Variants in NFIC observed in about 807,000 individuals in gnomAD.
NFIC encodes nuclear factor I C.
NFIC carries 12 observed loss-of-function variants against 54.4 expected under a neutral mutation model. The observed-to-expected ratio is 0.22, with a 90% confidence interval of 0.14 to 0.36. The LOEUF is 0.36. Among genes scored for constraint, NFIC ranks in the 10% least tolerant of loss-of-function variants. The pLI is 1.00. For missense variants in NFIC, 575 were observed against 718.2 expected (o/e 0.80, Z 2.28); for synonymous variants, 322 against 319.2 (o/e 1.01, Z -0.09).
chr19:3,380,309 C>CTTTTTT lies in NFIC; in HGVS notation c.31-1383_31-1378dup, dbSNP rs529220524. ...GTGAGCCACCGTGCCCAGCCTTGTTCTTTTTTTTTTTTTTTTTTTTTTTTT... is the reference window on the plus strand; with the variant it reads ...GTGAGCCACCGTGCCCAGCCTTGTTCTTTTTTTTTTTTTTTTTTTTTTTTTTTTTTT... On this transcript the variant is annotated intron_variant, in intron 1 of 10. Coordinates refer to ENST00000443272, the MANE Select transcript of NFIC (RefSeq NM_001245002.2). Among the ~76,000 whole-genome samples, 163 of 65,138 alleles carry CTTTTTT rather than the reference C, an allele frequency of 2.5e-3. 3 individuals are homozygous for CTTTTTT. The highest frequency in any genetic ancestry group is 3.1e-3 in the Non-Finnish European group (119 of 38,502). 42.7% of individuals were successfully genotyped at this position (65,138 alleles called of 152,430 possible).
chr19:3,441,891 C>G (rs1005035278), intron 6 of NFIC, among the ~76,000 whole-genome samples: 4 of 152,228 alleles, frequency 2.6e-5, no homozygotes, highest in Admixed American at 1.3e-4. Context: ...ATCCTCCCCC[C>G]ACCCTTCCCT....
intron 1 of NFIC, among the ~76,000 whole-genome samples, chr19:3,373,629 A>C: frequency 1.3e-5 from 1 of 77,228 alleles, no homozygotes; most frequent in African/African-American, 5.5e-5. Flanking sequence ...CCCCCCCCCA[A>C]GCTAAAAAAC....
At position 3,465,717 on chromosome 19, in the gene NFIC, G is replaced by A. The variant is rs1366592782; in HGVS notation, c.*2948G>A. The stretch of plus-strand genomic sequence containing the variant: ...CTGATTGGTCCCTAGGCCACGGGCC[G>A]GCCCCCAGACACCATTCACCGACCC... On this transcript the variant is annotated 3_prime_UTR_variant, in exon 11 of 11. Coordinates refer to ENST00000443272, the MANE Select transcript of NFIC (RefSeq NM_001245002.2). The A allele has an allele frequency of 2.0e-5, 3 of 152,214 alleles. No homozygotes were observed. Among genetic ancestry groups the A allele is most frequent in the African/African-American group, 2.4e-5 (1 of 41,410 alleles). 9.4% of individuals were successfully genotyped at this position (152,214 alleles called of 1,614,324 possible). A position where few individuals can be genotyped will look rare whatever the true frequency, so the allele number is the denominator to read the frequency against.
chr19:3,360,167 G>A (rs974462750), intron 1 of NFIC, among the ~76,000 whole-genome samples: 4 of 145,942 alleles, frequency 2.7e-5, no homozygotes, highest in African/African-American at 9.8e-5. Context: ...GCCCGGGCGA[G>A]CGCGGCGCGC....
intron 2 of NFIC, among the ~76,000 whole-genome samples, chr19:3,412,768 T>C (rs1267851251): frequency 6.6e-6 from 1 of 152,200 alleles, no homozygotes; most frequent in Non-Finnish European, 1.5e-5. Context: ...GATGTCGTTA[T>C]AATTATTATC....
At chr19:3,380,250 C>T (rs1191864618) in intron 1 of NFIC, among the ~76,000 whole-genome samples, 5 of 151,072 alleles carry the variant, frequency 3.3e-5, no homozygotes, top group Admixed American at 3.3e-4. Flanking sequence ...GTGATCTGCC[C>T]GCCTTGGCCT....
intron 1 of NFIC, 84 bp downstream of exon 1, chr19:3,366,750 A>G: frequency 1.0e-6 from 1 of 965,532 alleles, no homozygotes; most frequent in Non-Finnish European, 1.4e-6. Context: ...AGGAGGCGGG[A>G]CGAAAAAGGC....
intron 2 of NFIC, among the ~76,000 whole-genome samples, chr19:3,412,245 G>A (rs2081775371): frequency 2.0e-5 from 3 of 151,596 alleles, no homozygotes; most frequent in African/African-American, 7.3e-5. Context: ...ACCACGCTGG[G>A]CTAATTTTTA....
At chr19:3,405,189 A>G (rs777763498) in intron 2 of NFIC, among the ~76,000 whole-genome samples, 1 of 152,234 alleles carries the variant, frequency 6.6e-6, no homozygotes, top group Non-Finnish European at 1.5e-5. Flanking sequence ...GGCCAGACTT[A>G]AGGAACGCAG....
intron 2 of NFIC, among the ~76,000 whole-genome samples, chr19:3,424,856 G>A (rs571592026): frequency 2.0e-5 from 3 of 152,314 alleles, no homozygotes; most frequent in Admixed American, 2.0e-4. Context: ...CCCAACATAC[G>A]GGTACACTGG....
chr19:3,379,955 T>G (rs1165882834), intron 1 of NFIC, among the ~76,000 whole-genome samples: 4 of 152,078 alleles, frequency 2.6e-5, no homozygotes, highest in South Asian at 2.1e-4. Context: ...GTGCTGGGAT[T>G]ACAGGTGTGA....
intron 1 of NFIC, among the ~76,000 whole-genome samples, chr19:3,371,900 C>CTTCT (rs71164683): frequency 0.13 from 15,676 of 117,142 alleles, 1,693 homozygotes; most frequent in Admixed American, 0.22. Flanking sequence ...TCCTTCCTTC[C>CTTCT]TTCCTTCCTT....
intron 2 of NFIC, among the ~76,000 whole-genome samples, chr19:3,405,625 G>A (rs2081636381): frequency 6.6e-6 from 1 of 151,898 alleles, no homozygotes; most frequent in African/African-American, 2.4e-5. Flanking sequence ...TTGAGATGGA[G>A]TTTCACTCTT....
At chr19:3,403,864 G>A (rs1407462059) in intron 2 of NFIC, among the ~76,000 whole-genome samples, 2 of 144,268 alleles carry the variant, frequency 1.4e-5, no homozygotes, top group African/African-American at 5.0e-5. Flanking sequence ...CCCGGTGCCC[G>A]ACATTGGCAG....
chr19:3,440,366 A>C (rs934190044), intron 6 of NFIC, among the ~76,000 whole-genome samples: 3 of 151,856 alleles, frequency 2.0e-5, no homozygotes, highest in Non-Finnish European at 4.4e-5. Context: ...TAATATAGCC[A>C]GAGGCATATG....
chr19:3,389,238 T>C (rs999744830), intron 2 of NFIC, among the ~76,000 whole-genome samples: 1 of 152,114 alleles, frequency 6.6e-6, no homozygotes, highest in African/African-American at 2.4e-5. Context: ...CTGAGCTTGA[T>C]GGCAGGAGAA....
At chr19:3,371,892 C>CTTCCTTCT (rs1568399952) in intron 1 of NFIC, among the ~76,000 whole-genome samples, 11 of 89,252 alleles carry the variant, frequency 1.2e-4, no homozygotes, top group Non-Finnish European at 2.6e-4. Flanking sequence ...TCCTTCCTTC[C>CTTCCTTCT]TTCCTTCCTT....
intron 4 of NFIC, among the ~76,000 whole-genome samples, chr19:3,434,009 T>G (rs2082160511): frequency 6.6e-6 from 1 of 152,154 alleles, no homozygotes; most frequent in Non-Finnish European, 1.5e-5. Flanking sequence ...TCTTTAGCCC[T>G]GACTGACACC....
chr19:3,463,925 C>A lies in NFIC; in HGVS notation c.*1156C>A. 1.0e-6 allele frequency: 1 copy of A among 983,284 alleles called. No individual in the cohort carries two copies. 60.9% of individuals were successfully genotyped at this position (983,284 alleles called of 1,614,324 possible). Reference sequence around the variant, plus strand: ...TCCTCCCCCTCCCCTCCAGCCTCTCCACCAGCCCCTCCAGTCAACCCTCAT... The same window carrying A: ...TCCTCCCCCTCCCCTCCAGCCTCTCAACCAGCCCCTCCAGTCAACCCTCAT... On this transcript the variant is annotated 3_prime_UTR_variant, in exon 11 of 11. Coordinates refer to ENST00000443272, the MANE Select transcript of NFIC (RefSeq NM_001245002.2).
Sources: gnomAD v4.1 joint callset for allele counts (sites outside exome capture counted in the v4.1 genomes callset) on GRCh38, gnomAD v4.1.1 for gene constraint, MANE v1.5 for transcripts, NCBI Gene and HGNC (gene_info 2026-07-23, HGNC 2026-07-21) for gene names.